FTO: variants seen among roughly 807,000 people sequenced by gnomAD.
FTO encodes alpha-ketoglutarate-dependent dioxygenase FTO.
FTO carries 47 observed loss-of-function variants against 63.9 expected under a neutral mutation model. The ratio of observed to expected loss-of-function variants is 0.74; its 90% CI spans 0.58 to 0.94. FTO has a LOEUF of 0.94. Among genes scored for constraint, FTO ranks in the 40% least tolerant of loss-of-function variants. The pLI is 0.00. For missense variants in FTO, 562 were observed against 618.1 expected (o/e 0.91, Z 0.96); for synonymous variants, 207 against 224.4 (o/e 0.92, Z 0.69).
At chr16:53,937,122 A>G (rs897132371) in intron 8 of FTO, 2 of 397,040 alleles carry the variant, frequency 5.0e-6, no homozygotes, top group Non-Finnish European at 8.9e-6. Context: ...AGTTTGTCAC[A>G]GTGTCACACA....
chr16:53,984,807 A>C (rs1488311305), intron 8 of FTO: 2 of 404,632 alleles, frequency 4.9e-6, no homozygotes, highest in African/African-American at 4.2e-5. Context: ...TGATATTGGG[A>C]TATGATTATT....
At chr16:53,802,428 C>T (rs2078252138) in intron 1 of FTO, among the ~76,000 whole-genome samples, 1 of 151,942 alleles carries the variant, frequency 6.6e-6, no homozygotes, top group African/African-American at 2.4e-5. Context: ...AAATGGGAAA[C>T]CCATATATAT....
intron 4 of FTO, among the ~76,000 whole-genome samples, chr16:53,851,458 C>CA (rs35951870): frequency 5.0e-3 from 572 of 114,538 alleles, no homozygotes; most frequent in African/African-American, 5.6e-3. Flanking sequence ...GACTCCGTCT[C>CA]AAAAAAAAAA....
At chr16:53,979,299 A>G in intron 8 of FTO, 1 of 397,804 alleles carries the variant, frequency 2.5e-6, no homozygotes, top group Non-Finnish European at 4.4e-6. Context: ...TAAGTTCCTA[A>G]CAAATTACAG....
chr16:54,024,564 G>A (rs546245715), intron 8 of FTO, among the ~76,000 whole-genome samples: 2 of 152,046 alleles, frequency 1.3e-5, no homozygotes, highest in Non-Finnish European at 2.9e-5. Context: ...TGCCACCAGC[G>A]ATAGAGAAGT....
intron 8 of FTO, among the ~76,000 whole-genome samples, chr16:53,980,808 A>AT (rs199902340): frequency 0.013 from 1,986 of 152,278 alleles, 40 homozygotes; most frequent in African/African-American, 0.045. Flanking sequence ...CGACAGCCTT[A>AT]TTTTTTTAAT....
chr16:53,972,056 A>G (rs2083335302), intron 8 of FTO, among the ~76,000 whole-genome samples: 1 of 152,102 alleles, frequency 6.6e-6, no homozygotes, highest in African/African-American at 2.4e-5. Context: ...GTCTAATGGA[A>G]AGGCACTGAG....
chr16:53,978,684 G>A (rs1359632918), intron 8 of FTO, among the ~76,000 whole-genome samples: 1 of 152,078 alleles, frequency 6.6e-6, no homozygotes, highest in East Asian at 1.9e-4. Flanking sequence ...TTGTAGAAAA[G>A]CACAAAAGGA....
In FTO at chr16:54,112,005, T is replaced by G; in HGVS notation, c.*90T>G. ...GGCTTAAGCAAGAGCAGTGGAGACT[T>G]CTCTTGGCCCCTAGATTGTAGCACC... On this transcript the variant is annotated 3_prime_UTR_variant, in exon 9 of 9. Transcript: ENST00000471389. 8.6e-6 allele frequency: 12 copies of G among 1,396,520 alleles called. No homozygotes were observed. Among genetic ancestry groups the G allele is most frequent in the Non-Finnish European group, 1.2e-5 (12 of 985,924 alleles). The allele number at this position is 1,396,520 out of a possible 1,614,324, so 86.5% of individuals were successfully genotyped here.
chr16:53,735,446 A>G (rs2076370449), intron 1 of FTO, among the ~76,000 whole-genome samples: 1 of 152,158 alleles, frequency 6.6e-6, no homozygotes, highest in Non-Finnish European at 1.5e-5. Flanking sequence ...GCTAACATGG[A>G]CTCGGAGAGT....
At chr16:54,080,599 G>T (rs2086118225) in intron 8 of FTO, among the ~76,000 whole-genome samples, 1 of 152,180 alleles carries the variant, frequency 6.6e-6, no homozygotes, top group Non-Finnish European at 1.5e-5. Flanking sequence ...CCACAGGCAG[G>T]GTGGCCTTGA....
intron 1 of FTO, chr16:53,764,171 A>G (rs1299711789): frequency 1.3e-5 from 2 of 152,202 alleles, no homozygotes; most frequent in African/African-American, 2.4e-5. Context: ...GCTAAACCAA[A>G]AAGGCTTTAT....
At chr16:53,905,293 A>C (rs2081508404) in intron 7 of FTO, among the ~76,000 whole-genome samples, 1 of 152,044 alleles carries the variant, frequency 6.6e-6, no homozygotes, top group African/African-American at 2.4e-5. Flanking sequence ...TTGGGCCCTG[A>C]CTTCATCATT....
At chr16:53,808,648 G>A (rs1201357619) in intron 1 of FTO, among the ~76,000 whole-genome samples, 1 of 152,156 alleles carries the variant, frequency 6.6e-6, no homozygotes, top group Non-Finnish European at 1.5e-5. Context: ...GTGGGAGAGG[G>A]TAGTATGCAG....
chr16:53,955,421 G>A (rs1966587426), intron 8 of FTO, among the ~76,000 whole-genome samples: 1 of 152,158 alleles, frequency 6.6e-6, no homozygotes, highest in Non-Finnish European at 1.5e-5. Context: ...AATTGGGGAG[G>A]GGAATGGAAC....
rs1358906145 is a variant in FTO at position 54,115,589 on chromosome 16, G to C, written c.*3674G>C. 6.6e-6 allele frequency: 1 copy of C among 152,244 alleles called. No homozygotes were observed. Among genetic ancestry groups the C allele is most frequent in the Non-Finnish European group, 1.5e-5 (1 of 68,162 alleles). 9.4% of individuals were successfully genotyped at this position (152,244 alleles called of 1,614,324 possible). The stretch of plus-strand genomic sequence containing the variant: ...AGAGCTTCCCAGGAAAGGGGACGGC[G>C]GGCCCAGGCAGGAGAGCCTTGGGAG... On this transcript the variant is annotated 3_prime_UTR_variant, in exon 9 of 9. Coordinates refer to ENST00000471389, the MANE Select transcript of FTO (RefSeq NM_001080432.3).
intron 6 of FTO, among the ~76,000 whole-genome samples, chr16:53,882,296 C>T (rs1028021241): frequency 1.3e-5 from 2 of 149,946 alleles, no homozygotes; most frequent in African/African-American, 4.9e-5. Flanking sequence ...CATTCTAGTA[C>T]AGGGAGATGA....
intron 8 of FTO, among the ~76,000 whole-genome samples, chr16:54,048,872 C>T (rs1347529076): frequency 1.3e-5 from 2 of 152,174 alleles, no homozygotes; most frequent in Admixed American, 1.3e-4. Flanking sequence ...TTCCTACCCC[C>T]TTTTAATTAT....
chr16:53,960,903 A>G (rs2083063573), intron 8 of FTO, among the ~76,000 whole-genome samples: 1 of 152,168 alleles, frequency 6.6e-6, no homozygotes, highest in African/African-American at 2.4e-5. Flanking sequence ...TGGTTTCTAA[A>G]GGAAATATGA....
Sources: gnomAD v4.1 joint callset for allele counts (sites outside exome capture counted in the v4.1 genomes callset) on GRCh38, gnomAD v4.1.1 for gene constraint, MANE v1.5 for transcripts, NCBI Gene and HGNC (gene_info 2026-07-23, HGNC 2026-07-21) for gene names.